MEGF9: variants seen among roughly 807,000 people sequenced by gnomAD.
MEGF9 encodes multiple EGF like domains 9.
In MEGF9, 6 loss-of-function variants were observed where a neutral mutation model predicts 46.8. The ratio of observed to expected loss-of-function variants is 0.13; its 90% CI spans 0.07 to 0.25. The LOEUF is 0.25. MEGF9 is among the 10% of genes least tolerant of loss of function. The pLI is 1.00. For synonymous variants in MEGF9, 302 were observed against 330.7 expected (o/e 0.91, Z 0.94); for missense variants, 683 against 792.4 (o/e 0.86, Z 1.66).
intron 1 of MEGF9, among the ~76,000 whole-genome samples, chr9:120,673,541 A>G (rs2043759329): frequency 6.6e-6 from 1 of 152,164 alleles, no homozygotes; most frequent in South Asian, 2.1e-4. Context: ...TAACAAATTT[A>G]ATTTTTGACA....
chr9:120,691,614 A>G (rs1294134340), intron 1 of MEGF9: 2 of 272,260 alleles, frequency 7.3e-6, no homozygotes, highest in Middle Eastern at 4.3e-4. Flanking sequence ...TGCTATTCCA[A>G]TGACAATTTT....
intron 1 of MEGF9, among the ~76,000 whole-genome samples, chr9:120,696,783 T>A (rs1027830731): frequency 6.6e-6 from 1 of 152,200 alleles, no homozygotes; most frequent in African/African-American, 2.4e-5. Context: ...ACATAAATAG[T>A]ATATTAAATG....
At chr9:120,708,622 T>G (rs1225881686) in intron 1 of MEGF9, among the ~76,000 whole-genome samples, 1 of 152,234 alleles carries the variant, frequency 6.6e-6, no homozygotes, top group Non-Finnish European at 1.5e-5. Flanking sequence ...TAAATTATTA[T>G]CCTTTATCTT....
chr9:120,625,463 G>T (rs2043519746), intron 2 of MEGF9, among the ~76,000 whole-genome samples: 1 of 152,122 alleles, frequency 6.6e-6, no homozygotes, highest in Admixed American at 6.5e-5. Flanking sequence ...CTCTTGAGCT[G>T]AGTGTGCCAT....
intron 1 of MEGF9, among the ~76,000 whole-genome samples, chr9:120,700,398 A>G (rs892174869): frequency 9.2e-5 from 14 of 152,332 alleles, no homozygotes; most frequent in African/African-American, 3.1e-4. Context: ...CCCAACAACT[A>G]GATTGCTTTG....
Position 120,637,438 on chromosome 9 carries a change from A to T in MEGF9, c.804-14683T>A, listed in dbSNP as rs144360738. Among the ~76,000 whole-genome samples the T allele has an allele frequency of 1.3e-4, 19 of 151,206 alleles. No individual in the cohort carries two copies. The East Asian group carries it at 1.7e-3, about 14-fold the overall frequency. Reference sequence around the variant, plus strand: ...GATCAATAAATACTAAAAAAAGTTTAAAAAAAAAGAGAGAAGAAATTTTAA... The same window carrying T: ...GATCAATAAATACTAAAAAAAGTTTTAAAAAAAAGAGAGAAGAAATTTTAA... On this transcript the variant is annotated intron_variant, in intron 2 of 5. Transcript: ENST00000373930.
chr9:120,696,147 C>T (rs2043876060), intron 1 of MEGF9, among the ~76,000 whole-genome samples: 1 of 152,198 alleles, frequency 6.6e-6, no homozygotes, highest in Non-Finnish European at 1.5e-5. Context: ...AACTCCGTGG[C>T]CTGAATTTGG....
chr9:120,607,545 T>C (rs940771074), intron 5 of MEGF9, among the ~76,000 whole-genome samples, 196 bp downstream of exon 5: 55 of 152,354 alleles, frequency 3.6e-4, no homozygotes, highest in South Asian at 4.1e-4. Flanking sequence ...GACTTTGTCT[T>C]GGTCCTCAAA....
chr9:120,702,810 G>A (rs1425168116), intron 1 of MEGF9, among the ~76,000 whole-genome samples: 1 of 152,124 alleles, frequency 6.6e-6, no homozygotes, highest in Non-Finnish European at 1.5e-5. Flanking sequence ...TCCCTATAAT[G>A]GCTCCCAAAC....
At chr9:120,677,183 CAGTGG>C in intron 1 of MEGF9, among the ~76,000 whole-genome samples, 1 of 151,936 alleles carries the variant, frequency 6.6e-6, no homozygotes, top group Non-Finnish European at 1.5e-5. Flanking sequence ...GGATGGAGTG[CAGTGG>C]CACGATCACA....
chr9:120,693,937 ATAAAGG>A (rs1393081736), intron 1 of MEGF9, among the ~76,000 whole-genome samples: 3 of 152,030 alleles, frequency 2.0e-5, no homozygotes, highest in African/African-American at 7.3e-5. Flanking sequence ...AAAAAAAAAA[ATAAAGG>A]TAAAAGTAAA....
intron 3 of MEGF9, among the ~76,000 whole-genome samples, chr9:120,613,116 C>T (rs775194820): frequency 6.6e-6 from 1 of 151,978 alleles, no homozygotes; most frequent in African/African-American, 2.4e-5. Context: ...GGATTACAGG[C>T]ATGAGCCATT....
At chr9:120,660,525 T>C (rs1039380176) in intron 1 of MEGF9, among the ~76,000 whole-genome samples, 1 of 152,208 alleles carries the variant, frequency 6.6e-6, no homozygotes, top group Non-Finnish European at 1.5e-5. Flanking sequence ...TCATTCTTTC[T>C]ATTTTTTTTT....
At chr9:120,701,730 T>C (rs975429117) in intron 1 of MEGF9, among the ~76,000 whole-genome samples, 1 of 152,210 alleles carries the variant, frequency 6.6e-6, no homozygotes, top group Admixed American at 6.5e-5. Context: ...CTTTAAGTAA[T>C]GTTCAAGTGA....
chr9:120,684,857 G>A (rs550048683), intron 1 of MEGF9, among the ~76,000 whole-genome samples: 7 of 148,848 alleles, frequency 4.7e-5, no homozygotes, highest in Admixed American at 2.0e-4. Context: ...TTTTTGAGAC[G>A]GAGTCTCGCT....
intron 1 of MEGF9, among the ~76,000 whole-genome samples, chr9:120,670,604 T>C (rs1409591594): frequency 6.6e-6 from 1 of 152,190 alleles, no homozygotes; most frequent in Admixed American, 6.5e-5. Context: ...AAGTCTTCCA[T>C]CCCACTGTAC....
intron 4 of MEGF9, among the ~76,000 whole-genome samples, chr9:120,609,314 G>A (rs1177059072): frequency 6.7e-6 from 1 of 150,002 alleles, no homozygotes. Context: ...TCTCTTTCTA[G>A]TTCAGTTAGC....
chr9:120,674,965 G>C (rs1207507328), intron 1 of MEGF9, among the ~76,000 whole-genome samples: 1 of 149,904 alleles, frequency 6.7e-6, no homozygotes, highest in East Asian at 2.0e-4. Flanking sequence ...TGCAAGCTCC[G>C]CCTTCTGGAT....
intron 2 of MEGF9, among the ~76,000 whole-genome samples, chr9:120,628,943 C>G (rs188916565): frequency 1.3e-5 from 2 of 152,222 alleles, no homozygotes; most frequent in East Asian, 1.9e-4. Flanking sequence ...AAACTTTTCT[C>G]ATGAGTACAA....
Sources: allele counts gnomAD v4.1 joint callset (sites outside exome capture counted in the v4.1 genomes callset), GRCh38; gene constraint gnomAD v4.1.1; transcripts MANE v1.5; gene names NCBI Gene and HGNC (gene_info 2026-07-23, HGNC 2026-07-21).